The following RFTN1 variants were observed in gnomAD, a reference collection of about 807,000 sequenced individuals.
RFTN1 encodes the protein raftlin.
RFTN1 carries 26 observed loss-of-function variants against 46.5 expected under a neutral mutation model. The observed-to-expected ratio is 0.56, with a 90% CI of 0.41 to 0.78. The LOEUF is 0.78. Among genes scored for constraint, RFTN1 ranks in the 30% least tolerant of loss-of-function variants. The pLI is 0.00. For synonymous variants in RFTN1, 261 were observed against 284.2 expected (o/e 0.92, Z 0.82); for missense variants, 693 against 718.7 (o/e 0.96, Z 0.41).
chr3:16,410,223 AC>A lies in RFTN1; in HGVS notation c.333-741del, dbSNP rs1187692686. 4.5e-4 allele frequency among the ~76,000 whole-genome samples: 33 copies of A among 73,306 alleles called. No homozygotes were observed. In the East Asian group the frequency reaches 4.8e-3, roughly 11 times the overall value. The allele number at this position is 73,306 out of a possible 152,430, so 48.1% of individuals were successfully genotyped here. On this transcript the variant is annotated intron_variant, in intron 3 of 9. Coordinates refer to ENST00000334133, the MANE Select transcript of RFTN1 (RefSeq NM_015150.2). This position sits in a 1 kb window ranked among gnomAD's most constrained non-coding sequence, Gnocchi z 4.6. ...CAGCTTACATGTTATACACACACAC[AC>A]ACACACACACACACACACACACACA...
rs11324617 is a variant in RFTN1, at chr3:16,350,492, CTT to C, written c.1146+7438_1146+7439del. On this transcript the variant is annotated intron_variant, in intron 7 of 9. Coordinates refer to ENST00000334133, the MANE Select transcript of RFTN1 (RefSeq NM_015150.2). The stretch of plus-strand genomic sequence containing the variant: ...AATGAGCTCAAGCTGAGATGAATCA[CTT>C]TTTTTTTTTTTTTAAAGGAAAAGGC... 5.0e-3 allele frequency among the ~76,000 whole-genome samples: 738 copies of C among 146,468 alleles called. 1 individual carries two copies. The highest frequency in any genetic ancestry group is 0.012 in the African/African-American group (464 of 39,728).
chr3:16,472,308 TG>T (rs1181269230), intron 2 of RFTN1, among the ~76,000 whole-genome samples: 1 of 151,924 alleles, frequency 6.6e-6, no homozygotes, highest in African/African-American at 2.4e-5. Flanking sequence ...ATAGCCCTCT[TG>T]CTCCCTGTGA....
intron 2 of RFTN1, among the ~76,000 whole-genome samples, chr3:16,467,270 C>T (rs189171823): frequency 5.9e-5 from 9 of 152,288 alleles, no homozygotes; most frequent in African/African-American, 2.2e-4. Flanking sequence ...GAGAATAAAC[C>T]ACAGTGCCTT....
chr3:16,424,564 G>T lies in RFTN1; in HGVS notation c.332+9287C>A, dbSNP rs2075254292. ...TATGTGAATACAAGCTGCTAATTTG[G>T]TTTTTAAAGTCTTTGTAGCCATTTT... is the stretch of plus-strand genomic sequence containing the variant. On this transcript the variant is annotated intron_variant, in intron 3 of 9. Transcript: ENST00000334133. This position sits in a 1 kb window ranked among gnomAD's most constrained non-coding sequence, Gnocchi z 4.7. Among the ~76,000 whole-genome samples the T allele has an allele frequency of 6.6e-6, 1 of 152,132 alleles. No homozygotes were observed. Among genetic ancestry groups the T allele is most frequent in the Admixed American group, 6.5e-5 (1 of 15,280 alleles).
In RFTN1 at chr3:16,459,121, T is replaced by A. The variant is rs2075963773; in HGVS notation, c.146-25084A>T. On this transcript the variant is annotated intron_variant, in intron 2 of 9. Transcript: ENST00000334133. This position sits in a 1 kb window ranked among gnomAD's most constrained non-coding sequence, Gnocchi z 4.2. ...TAATTTTTTGTATTTTTTGTAGAGA[T>A]GAGGTTTCGCTGTTGCTCAGGCTAG... Among the ~76,000 whole-genome samples, 1 of 151,996 alleles carries A rather than the reference T, an allele frequency of 6.6e-6. No individual in the cohort carries two copies. The highest frequency in any genetic ancestry group is 1.5e-5 in the Non-Finnish European group (1 of 67,992).
Position 16,380,974 on chromosome 3 carries a change from A to G in RFTN1, c.442-2872T>C, listed in dbSNP as rs1303782988. ...AGCTGTAGAATCCAACAAATAGTTA[A>G]TAAGCCCCTACACTGGTCCAGGCCA... On this transcript the variant is annotated intron_variant, in intron 4 of 9. Coordinates refer to ENST00000334133, the MANE Select transcript of RFTN1 (RefSeq NM_015150.2). The surrounding 1 kb of genome is among the most constrained non-coding windows in gnomAD (Gnocchi z 4.8). 1.3e-5 allele frequency among the ~76,000 whole-genome samples: 2 copies of G among 151,988 alleles called. No homozygotes were observed. The highest frequency in any genetic ancestry group is 1.3e-4 in the Admixed American group (2 of 15,278).
chr3:16,486,492 C>T (rs570395159), intron 2 of RFTN1, among the ~76,000 whole-genome samples: 90 of 152,294 alleles, frequency 5.9e-4, no homozygotes, highest in Non-Finnish European at 1.0e-3. Flanking sequence ...GGGTTATCTC[C>T]GTGTTTTGAT....
In RFTN1 at chr3:16,344,106, T is replaced by C. The variant is rs2071484493; in HGVS notation, c.1146+13826A>G. Reference sequence around the variant, plus strand: ...AGACATTCTTGGCCTGTATTAACTCTTTTTCATTGGAATTGCTGTCAAATC... The same window carrying C: ...AGACATTCTTGGCCTGTATTAACTCCTTTTCATTGGAATTGCTGTCAAATC... On this transcript the variant is annotated intron_variant, in intron 7 of 9. Transcript: ENST00000334133. The surrounding 1 kb of genome is among the most constrained non-coding windows in gnomAD (Gnocchi z 4.4). Among the ~76,000 whole-genome samples the C allele has an allele frequency of 6.6e-6, 1 of 152,224 alleles. No individual in the cohort carries two copies. Among genetic ancestry groups the C allele is most frequent in the African/African-American group, 2.4e-5 (1 of 41,454 alleles).
At chr3:16,485,666 T>C (rs2076437152) in intron 2 of RFTN1, among the ~76,000 whole-genome samples, 1 of 152,250 alleles carries the variant, frequency 6.6e-6, no homozygotes, top group Non-Finnish European at 1.5e-5. Flanking sequence ...TCTGGGGTGA[T>C]GGAAAAGTTT....
In RFTN1 at chr3:16,440,749, A is replaced by T. The variant is rs2075605281; in HGVS notation, c.146-6712T>A. On this transcript the variant is annotated intron_variant, in intron 2 of 9. Coordinates refer to ENST00000334133, the MANE Select transcript of RFTN1 (RefSeq NM_015150.2). The surrounding 1 kb of genome is among the most constrained non-coding windows in gnomAD (Gnocchi z 4.6). ...TTACTTTCAAGAAGTCAGAAATCTT[A>T]ATCTTCCTAATCTTTAAATGTGACA... 6.6e-6 allele frequency among the ~76,000 whole-genome samples: 1 copy of T among 152,150 alleles called. No individual in the cohort carries two copies. Among genetic ancestry groups the T allele is most frequent in the Non-Finnish European group, 1.5e-5 (1 of 68,018 alleles).
In RFTN1 at chr3:16,381,522, T is replaced by A. The variant is rs1211685296; in HGVS notation, c.442-3420A>T. 1.3e-5 allele frequency among the ~76,000 whole-genome samples: 2 copies of A among 152,098 alleles called. No homozygotes were observed. The highest frequency in any genetic ancestry group is 2.9e-5 in the Non-Finnish European group (2 of 68,008). On this transcript the variant is annotated intron_variant, in intron 4 of 9. Transcript: ENST00000334133. This position sits in a 1 kb window ranked among gnomAD's most constrained non-coding sequence, Gnocchi z 4.2. ...TAAGAAATGTGGCAGAACTGGAGCA[T>A]GCATGCCTCACCTTAAAGCATTCAA... is the stretch of plus-strand genomic sequence containing the variant.
rs1359337915 is a variant in RFTN1 at position 16,433,199 on chromosome 3, T to A, written c.332+652A>T. The stretch of plus-strand genomic sequence containing the variant: ...TTTTTTTTTTTTAAAAAAATTAATA[T>A]TGTTCCTTTTGAAAGACTAACCCCA... On this transcript the variant is annotated intron_variant, in intron 3 of 9. Coordinates refer to ENST00000334133, the MANE Select transcript of RFTN1 (RefSeq NM_015150.2). This position sits in a 1 kb window ranked among gnomAD's most constrained non-coding sequence, Gnocchi z 4.4. Among the ~76,000 whole-genome samples, 1 of 151,436 alleles carries A rather than the reference T, an allele frequency of 6.6e-6. No homozygotes were observed. Among genetic ancestry groups the A allele is most frequent in the Non-Finnish European group, 1.5e-5 (1 of 67,910 alleles).
At chr3:16,409,980 C>A (rs2074949919) in intron 3 of RFTN1, among the ~76,000 whole-genome samples, 1 of 148,252 alleles carries the variant, frequency 6.7e-6, no homozygotes, top group Non-Finnish European at 1.5e-5. Context: ...AGCCACTGTG[C>A]CCAGACGCAG....
At chr3:16,362,810 GC>G (rs1340049168) in intron 6 of RFTN1, among the ~76,000 whole-genome samples, 1 of 152,166 alleles carries the variant, frequency 6.6e-6, no homozygotes, top group Non-Finnish European at 1.5e-5. Context: ...CCCATGGCGA[GC>G]ATGGCAGAGC....
At position 16,337,740 on chromosome 3, in the gene RFTN1, C is replaced by CAA. The variant is rs5846920; in HGVS notation, c.1147-10866_1147-10865dup. Among the ~76,000 whole-genome samples the CAA allele has an allele frequency of 3.3e-4, 31 of 95,158 alleles. No homozygotes were observed. The highest frequency in any genetic ancestry group is 1.0e-3 in the East Asian group (3 of 2,954). The allele number at this position is 95,158 out of a possible 152,430, so 62.4% of individuals were successfully genotyped here. On this transcript the variant is annotated intron_variant, in intron 7 of 9. Transcript: ENST00000334133. This position sits in a 1 kb window ranked among gnomAD's most constrained non-coding sequence, Gnocchi z 5.0. ...CTGGCGACAGAGCGAGACTCCATCT[C>CAA]AAAAAAAAAAAAAAAAAGAAAAGAA...
intron 5 of RFTN1, among the ~76,000 whole-genome samples, chr3:16,375,691 C>T (rs2125372544): frequency 1.3e-5 from 2 of 152,266 alleles, no homozygotes; most frequent in Admixed American, 1.3e-4. Context: ...GCAGTGTTTA[C>T]CTGCCTAGGG....
At chr3:16,372,633 G>A (rs1161866855) in intron 5 of RFTN1, among the ~76,000 whole-genome samples, 1 of 152,224 alleles carries the variant, frequency 6.6e-6, no homozygotes, top group Non-Finnish European at 1.5e-5. Flanking sequence ...CACACAGAAG[G>A]AACTCCCACT....
In RFTN1 at chr3:16,433,801, C is replaced by G; in HGVS notation, c.332+50G>C. ...CTCTCACTTCCCCTCCTCTATTGAG[C>G]ATAACTTAGCCGCAACAGGATGCTA... On this transcript the variant is annotated intron_variant, in intron 3 of 9. Transcript: ENST00000334133. The surrounding 1 kb of genome is among the most constrained non-coding windows in gnomAD (Gnocchi z 4.4). The G allele has an allele frequency of 6.3e-7, 1 of 1,586,900 alleles. No homozygotes were observed. The highest frequency in any genetic ancestry group is 8.7e-7 in the Non-Finnish European group (1 of 1,155,692).
chr3:16,373,572 C>T (rs1278216048), intron 5 of RFTN1, among the ~76,000 whole-genome samples: 2 of 152,172 alleles, frequency 1.3e-5, no homozygotes, highest in Non-Finnish European at 2.9e-5. Flanking sequence ...CAGGTGGGGC[C>T]CCAGAGAGCC....
Sources: allele counts gnomAD v4.1 joint callset (sites outside exome capture counted in the v4.1 genomes callset), GRCh38; gene constraint gnomAD v4.1.1; non-coding constraint Gnocchi (gnomAD v3.1); transcripts MANE v1.5; gene names NCBI Gene and HGNC (gene_info 2026-07-23, HGNC 2026-07-21).